Variants in ADAMTS19 observed in about 807,000 individuals in gnomAD.
The protein encoded by ADAMTS19 is ADAM metallopeptidase with thrombospondin type 1 motif 19.
A neutral mutation model predicts 153.3 loss-of-function variants in ADAMTS19; 93 were observed. That is an observed-to-expected ratio of 0.61 (90% confidence interval 0.51 to 0.72). The LOEUF is 0.72. Among genes scored for constraint, ADAMTS19 ranks in the 30% least tolerant of loss-of-function variants. The pLI, the probability that ADAMTS19 is intolerant of heterozygous loss-of-function variation, is 0.00. For missense variants in ADAMTS19, 1,482 were observed against 1,552.1 expected (o/e 0.95, Z 0.76); for synonymous variants, 600 against 556.6 (o/e 1.08, Z -1.10).
intron 7 of ADAMTS19, among the ~76,000 whole-genome samples, chr5:129,582,829 C>T (rs1346243721): frequency 6.6e-6 from 1 of 151,966 alleles, no homozygotes; most frequent in Non-Finnish European, 1.5e-5. Flanking sequence ...CCTCAGCCTC[C>T]CAAAAGTGCT....
chr5:129,609,389 A>T (rs889088814), intron 8 of ADAMTS19, among the ~76,000 whole-genome samples: 1 of 152,232 alleles, frequency 6.6e-6, no homozygotes, highest in Non-Finnish European at 1.5e-5. Context: ...CACAAAATAC[A>T]GAGTGACTGA....
At chr5:129,525,683 A>T (rs139753041) in intron 3 of ADAMTS19, among the ~76,000 whole-genome samples, 56 of 152,126 alleles carry the variant, frequency 3.7e-4, no homozygotes, top group Non-Finnish European at 6.8e-4. Context: ...TATGTAGGCA[A>T]ACCTATACAT....
At chr5:129,619,572 T>C (rs891717540) in intron 8 of ADAMTS19, among the ~76,000 whole-genome samples, 1 of 151,982 alleles carries the variant, frequency 6.6e-6, no homozygotes, top group Admixed American at 6.6e-5. Context: ...TTATGGATAA[T>C]GAGAAAACAT....
intron 15 of ADAMTS19, among the ~76,000 whole-genome samples, chr5:129,660,678 A>C (rs555501710): frequency 6.6e-6 from 1 of 152,106 alleles, no homozygotes; most frequent in South Asian, 2.1e-4. Flanking sequence ...TTCCACTTTA[A>C]TTTCTACTTT....
At chr5:129,669,328 G>A (rs1469088953) in intron 16 of ADAMTS19, among the ~76,000 whole-genome samples, 1 of 151,916 alleles carries the variant, frequency 6.6e-6, no homozygotes. Context: ...CTTTCTTCAT[G>A]ATTCAGTTTT....
chr5:129,673,743 CTT>C (rs915154464), intron 16 of ADAMTS19, among the ~76,000 whole-genome samples: 1 of 151,974 alleles, frequency 6.6e-6, no homozygotes. Context: ...TTTTCTGTCT[CTT>C]TTCAATTATG....
intron 7 of ADAMTS19, among the ~76,000 whole-genome samples, chr5:129,593,146 A>G (rs1233460454): frequency 1.3e-5 from 2 of 152,124 alleles, no homozygotes; most frequent in Non-Finnish European, 2.9e-5. Context: ...CAAAAGTTGT[A>G]TACTTGTCAC....
At chr5:129,483,642 T>C (rs1750492883) in intron 2 of ADAMTS19, among the ~76,000 whole-genome samples, 1 of 152,176 alleles carries the variant, frequency 6.6e-6, no homozygotes, top group African/African-American at 2.4e-5. Flanking sequence ...GATATACTAC[T>C]ACATGAAAGT....
At chr5:129,464,327 A>G (rs1030888233) in intron 2 of ADAMTS19, among the ~76,000 whole-genome samples, 2 of 152,176 alleles carry the variant, frequency 1.3e-5, no homozygotes, top group African/African-American at 4.8e-5. Context: ...CTGTAATTCT[A>G]ATGTGAGGAA....
At chr5:129,493,785 C>A (rs1750844493) in intron 2 of ADAMTS19, among the ~76,000 whole-genome samples, 1 of 152,096 alleles carries the variant, frequency 6.6e-6, no homozygotes, top group Non-Finnish European at 1.5e-5. Context: ...AACGTCTTGG[C>A]TGCATATAGC....
At chr5:129,734,269 T>C (rs1415396738) in intron 21 of ADAMTS19, among the ~76,000 whole-genome samples, 1 of 151,852 alleles carries the variant, frequency 6.6e-6, no homozygotes, top group African/African-American at 2.4e-5. Context: ...CCTTACCATT[T>C]TGCTATATAT....
At chr5:129,647,361 A>G (rs1209607697) in intron 11 of ADAMTS19, among the ~76,000 whole-genome samples, 1 of 152,160 alleles carries the variant, frequency 6.6e-6, no homozygotes, top group Admixed American at 6.5e-5. Flanking sequence ...TTGACGTAGG[A>G]CATTTATTTC....
intron 10 of ADAMTS19, among the ~76,000 whole-genome samples, chr5:129,634,764 T>A (rs1274165178): frequency 6.6e-6 from 1 of 152,014 alleles, no homozygotes; most frequent in Non-Finnish European, 1.5e-5. Flanking sequence ...GATTAGATAC[T>A]TACATGTAAA....
chr5:129,654,993 T>C (rs1449332777), intron 14 of ADAMTS19, among the ~76,000 whole-genome samples: 1 of 152,232 alleles, frequency 6.6e-6, no homozygotes, highest in African/African-American at 2.4e-5. Context: ...GTAGAATTCC[T>C]GTTAAAGTGA....
At chr5:129,574,907 A>T (rs555236356) in intron 7 of ADAMTS19, among the ~76,000 whole-genome samples, 82 of 151,998 alleles carry the variant, frequency 5.4e-4, no homozygotes, top group African/African-American at 1.7e-3. Flanking sequence ...TCCTCAATGT[A>T]CAAACCTAAA....
At chr5:129,708,725 C>A (rs1040615660) in intron 21 of ADAMTS19, among the ~76,000 whole-genome samples, 6 of 151,536 alleles carry the variant, frequency 4.0e-5, no homozygotes, top group Non-Finnish European at 7.4e-5. Flanking sequence ...CAACAGAATT[C>A]TGTTGAGAAA....
chr5:129,696,824 G>A (rs1390685843), intron 19 of ADAMTS19, among the ~76,000 whole-genome samples: 1 of 152,102 alleles, frequency 6.6e-6, no homozygotes, highest in East Asian at 1.9e-4. Context: ...AGGAGTGTCT[G>A]GGTTAAGATA....
chr5:129,611,007 T>G (rs1300666110), intron 8 of ADAMTS19, among the ~76,000 whole-genome samples: 9 of 152,190 alleles, frequency 5.9e-5, no homozygotes, highest in Non-Finnish European at 1.2e-4. Context: ...TGGTATCTCA[T>G]TGTGGTTTTG....
chr5:129,719,550 C>G (rs1756887113), intron 21 of ADAMTS19, among the ~76,000 whole-genome samples: 1 of 152,012 alleles, frequency 6.6e-6, no homozygotes, highest in African/African-American at 2.4e-5. Context: ...ATGTGGAAGT[C>G]TTTTCTTTAG....
Sources: allele counts gnomAD v4.1 joint callset (sites outside exome capture counted in the v4.1 genomes callset), GRCh38; gene constraint gnomAD v4.1.1; transcripts MANE v1.5; gene names NCBI Gene and HGNC (gene_info 2026-07-23, HGNC 2026-07-21).